The following SIPA1L2 variants were observed in gnomAD, a reference collection of about 807,000 sequenced individuals.
SIPA1L2 encodes the protein signal-induced proliferation-associated 1-like protein 2.
A neutral mutation model predicts 163.9 loss-of-function variants in SIPA1L2; 56 were observed. The ratio of observed to expected loss-of-function variants is 0.34; its 90% CI spans 0.28 to 0.43. SIPA1L2 has a LOEUF of 0.43. Among genes scored for constraint, SIPA1L2 ranks in the 20% least tolerant of loss-of-function variants. The probability of loss-of-function intolerance (pLI) is 1.00; values close to 1 mark genes in which losing one functional copy is unlikely to be tolerated. For synonymous variants in SIPA1L2, 877 were observed against 865.7 expected (o/e 1.01, Z -0.23); for missense variants, 1,974 against 2,193.5 (o/e 0.90, Z 2.00).
At chr1:232,513,488 G>A (rs1381206864) in intron 3 of SIPA1L2, among the ~76,000 whole-genome samples, 1 of 152,192 alleles carries the variant, frequency 6.6e-6, no homozygotes, top group African/African-American at 2.4e-5. Flanking sequence ...AGCAGCATAA[G>A]AGATTATTCA....
At chr1:232,565,174 G>C (rs373595274) in intron 2 of SIPA1L2, among the ~76,000 whole-genome samples, 1 of 152,222 alleles carries the variant, frequency 6.6e-6, no homozygotes, top group African/African-American at 2.4e-5. Context: ...TCGTCTGGAT[G>C]AATCTGGATA....
intron 5 of SIPA1L2, among the ~76,000 whole-genome samples, chr1:232,484,301 A>G (rs547317800): frequency 9.9e-5 from 15 of 152,228 alleles, no homozygotes; most frequent in Non-Finnish European, 1.3e-4. Flanking sequence ...ACTTCATCTT[A>G]CACACTTCAT....
At chr1:232,564,235 CGTGTGT>C (rs59088753) in intron 2 of SIPA1L2, among the ~76,000 whole-genome samples, 1,767 of 29,672 alleles carry the variant, frequency 0.06, 158 homozygotes, top group East Asian at 0.28. Context: ...TTTTTTTTTT[CGTGTGT>C]GTGTGTGTGT....
chr1:232,617,764 T>C (rs1167529161), intron 1 of SIPA1L2, among the ~76,000 whole-genome samples: 5 of 152,170 alleles, frequency 3.3e-5, no homozygotes, highest in Non-Finnish European at 7.3e-5. Context: ...AATAGAAGTA[T>C]GGGCCATATG....
At chr1:232,424,153 T>C (rs2102807621) in intron 18 of SIPA1L2, among the ~76,000 whole-genome samples, 1 of 151,986 alleles carries the variant, frequency 6.6e-6, no homozygotes, top group South Asian at 2.1e-4. Context: ...TAAGGATCTG[T>C]CCACATAGGT....
chr1:232,440,770 C>G (rs1303107558), intron 14 of SIPA1L2, among the ~76,000 whole-genome samples: 1 of 152,214 alleles, frequency 6.6e-6, no homozygotes, highest in Non-Finnish European at 1.5e-5. Flanking sequence ...TACAGTCTCC[C>G]TCGAGGCTCA....
chr1:232,434,291 C>G (rs1558173405), intron 15 of SIPA1L2, among the ~76,000 whole-genome samples: 1 of 152,124 alleles, frequency 6.6e-6, no homozygotes, highest in African/African-American at 2.4e-5. Context: ...GAAATAAAGA[C>G]ACAAAATAAA....
chr1:232,488,700 A>G (rs1342377992), intron 5 of SIPA1L2, among the ~76,000 whole-genome samples: 1 of 152,236 alleles, frequency 6.6e-6, no homozygotes, highest in Non-Finnish European at 1.5e-5. Flanking sequence ...ACATTCATTG[A>G]CATCAGACTG....
At chr1:232,496,221 T>C (rs903405584) in intron 3 of SIPA1L2, among the ~76,000 whole-genome samples, 4 of 150,454 alleles carry the variant, frequency 2.7e-5, no homozygotes, top group Non-Finnish European at 2.9e-5. Context: ...ACCTTTTCTA[T>C]GTTTAGATAC....
Position 232,402,434 on chromosome 1 carries a change from C to T in SIPA1L2, c.4980G>A (p.Gln1660=), listed in dbSNP as rs182272831. The T allele has an allele frequency of 6.2e-6, 10 of 1,613,722 alleles. No individual in the cohort carries two copies. The Admixed American group carries it at 1.0e-4, about 16-fold the overall frequency. The change falls in exon 22 of 23, where the codon CAG becomes CAA. Residue 1660 remains glutamine, a synonymous_variant. Transcript: ENST00000674635. ...GGAGTTGTCGAAGAATTAATTCCAG[C>T]TGATTGACTTTCCCGGTCAGTGGTG... is the stretch of plus-strand genomic sequence containing the variant. The part of the protein sequence containing the change: ...SPSPLTGKVN[Q]LELILRQLQT...
chr1:232,525,444 C>T (rs1241927679), intron 2 of SIPA1L2, among the ~76,000 whole-genome samples: 17 of 141,928 alleles, frequency 1.2e-4, no homozygotes, highest in African/African-American at 5.5e-5. Flanking sequence ...CTAGTAGAGA[C>T]GGGGTTTCAC....
rs115424265 is a variant in SIPA1L2 at position 232,498,285 on chromosome 1, G to A, written c.1484-4625C>T. ...CAAGGAGGTAGCTCATTTCATGCCA[G>A]GAAGTGATAAGACAGTGTGAAGCAT... On this transcript the variant is annotated intron_variant, in intron 3 of 22. Transcript: ENST00000674635. Among the ~76,000 whole-genome samples the A allele has an allele frequency of 7.3e-3, 1,112 of 152,308 alleles. 15 individuals carry two copies. Among genetic ancestry groups the A allele is most frequent in the African/African-American group, 0.025 (1,047 of 41,562 alleles).
At chr1:232,481,151 CAT>C (rs1409411403) in intron 6 of SIPA1L2, among the ~76,000 whole-genome samples, 1 of 152,170 alleles carries the variant, frequency 6.6e-6, no homozygotes, top group African/African-American at 2.4e-5. Flanking sequence ...TTATTAAACA[CAT>C]ATATGTTATT....
chr1:232,439,998 G>T (rs1558179036), intron 14 of SIPA1L2, among the ~76,000 whole-genome samples: 1 of 152,202 alleles, frequency 6.6e-6, no homozygotes, highest in Non-Finnish European at 1.5e-5. Flanking sequence ...CATGATTCCT[G>T]TGTGAAGCAA....
intron 4 of SIPA1L2, 53 bp from the exon 5 acceptor site, chr1:232,491,115 T>A (rs1665908143): frequency 6.6e-7 from 1 of 1,504,240 alleles, no homozygotes; most frequent in South Asian, 1.2e-5. Context: ...AATTACCTAC[T>A]CACAGCCTAA....
At chr1:232,525,003 T>C (rs1667626000) in intron 2 of SIPA1L2, among the ~76,000 whole-genome samples, 2 of 152,156 alleles carry the variant, frequency 1.3e-5, no homozygotes. Context: ...CCAATGGATG[T>C]TTAAATTACA....
chr1:232,433,889 G>C (rs1572891267), intron 15 of SIPA1L2, among the ~76,000 whole-genome samples: 1 of 152,252 alleles, frequency 6.6e-6, no homozygotes, highest in East Asian at 1.9e-4. Context: ...GCCAGACCCT[G>C]GGCAAGTTTC....
In SIPA1L2 at chr1:232,410,926, A is replaced by G. The variant is rs1660917831; in HGVS notation, c.4762+4568T>C. On this transcript the variant is annotated intron_variant, in intron 19 of 22. Transcript: ENST00000674635. ...GTGGTATACCAGTATTTTGTGCAGAAGGAACCAGCCAAGTAGCCTGCCAAG... is the reference window on the plus strand; with the variant it reads ...GTGGTATACCAGTATTTTGTGCAGAGGGAACCAGCCAAGTAGCCTGCCAAG... Among the ~76,000 whole-genome samples the G allele has an allele frequency of 1.3e-5, 2 of 152,226 alleles. 1 individual carries two copies. Among genetic ancestry groups the G allele is most frequent in the South Asian group, 4.1e-4 (2 of 4,830 alleles).
chr1:232,445,877 A>C, intron 10 of SIPA1L2, 91 bp from the exon 11 acceptor site: 1 of 1,424,964 alleles, frequency 7.0e-7, no homozygotes, highest in African/African-American at 1.4e-5. Flanking sequence ...AACACACATC[A>C]CATGGTGTGT....
Sources: allele counts gnomAD v4.1 joint callset (sites outside exome capture counted in the v4.1 genomes callset), GRCh38; gene constraint gnomAD v4.1.1; transcripts MANE v1.5; gene names NCBI Gene and HGNC (gene_info 2026-07-23, HGNC 2026-07-21).